The following KHDRBS2 variants were observed in gnomAD, a reference collection of about 807,000 sequenced individuals.
KHDRBS2 encodes the protein KH domain-containing, RNA-binding, signal transduction-associated protein 2.
Under a neutral mutation model 44.3 loss-of-function variants are expected in KHDRBS2, and 26 were observed. The ratio of observed to expected loss-of-function variants is 0.59; its 90% confidence interval spans 0.43 to 0.81. KHDRBS2 has a LOEUF of 0.81. Ranked by LOEUF, KHDRBS2 falls within the 40% of genes least tolerant of loss-of-function variation. The pLI, the probability that KHDRBS2 is intolerant of heterozygous loss-of-function variation, is 0.00. For missense variants in KHDRBS2, 476 were observed against 433.1 expected, an observed-to-expected ratio of 1.10 and a Z score of -0.88; for synonymous variants, 194 against 151.1, an observed-to-expected ratio of 1.28 and a Z score of -2.08.
the KHDRBS2 span, among the ~76,000 whole-genome samples, chr6:61,663,275 T>A: frequency 2.2e-5 from 3 of 133,760 alleles, no homozygotes; most frequent in Admixed American, 7.5e-5. Flanking sequence ...GGGGAGGGAT[T>A]GCATTAGGAG....
At chr6:61,790,254 A>AT (rs1784425090) in intron 6 of KHDRBS2, among the ~76,000 whole-genome samples, 1 of 151,302 alleles carries the variant, frequency 6.6e-6, no homozygotes, top group Admixed American at 6.6e-5. Flanking sequence ...TGCTCTTCTA[A>AT]TTTTTTCTCT....
At chr6:61,993,324 T>C (rs1176506218) in intron 3 of KHDRBS2, among the ~76,000 whole-genome samples, 1 of 152,008 alleles carries the variant, frequency 6.6e-6, no homozygotes, top group African/African-American at 2.4e-5. Context: ...TACCTATATT[T>C]ACATAGGGCT....
intron 2 of KHDRBS2, among the ~76,000 whole-genome samples, chr6:62,123,083 A>T (rs1808076124): frequency 6.6e-6 from 1 of 152,002 alleles, no homozygotes; most frequent in Admixed American, 6.6e-5. Context: ...CCAGTGTGTG[A>T]CGTTCCCTGC....
At chr6:61,989,548 T>G (rs1012958754) in intron 3 of KHDRBS2, among the ~76,000 whole-genome samples, 4 of 152,172 alleles carry the variant, frequency 2.6e-5, no homozygotes, top group African/African-American at 9.6e-5. Flanking sequence ...ATGGGTTGTA[T>G]CTGCTTGGCT....
At position 62,065,817 on chromosome 6, in the gene KHDRBS2, TAAC is replaced by T. The variant is rs896702572; in HGVS notation, c.220-17826_220-17824del. On this transcript the variant is annotated intron_variant, in intron 2 of 8. Coordinates refer to ENST00000281156, the MANE Select transcript of KHDRBS2 (RefSeq NM_152688.4). ...AAGAATGATCCATGTTTTACCAAAA[TAAC>T]AAAGAAACTAGAATATGCTTATAAA... 2.2e-4 allele frequency among the ~76,000 whole-genome samples: 33 copies of T among 151,148 alleles called. 1 individual carries two copies. Among genetic ancestry groups the T allele is most frequent in the East Asian group, 1.6e-3 (8 of 5,068 alleles).
At chr6:62,147,999 A>T (rs1479616902) in intron 2 of KHDRBS2, among the ~76,000 whole-genome samples, 1 of 152,050 alleles carries the variant, frequency 6.6e-6, no homozygotes, top group Non-Finnish European at 1.5e-5. Flanking sequence ...AAATATTCTG[A>T]AGCAAGCAAG....
intron 3 of KHDRBS2, among the ~76,000 whole-genome samples, chr6:62,010,153 C>T (rs774237249): frequency 3.9e-5 from 6 of 152,124 alleles, no homozygotes; most frequent in Non-Finnish European, 8.8e-5. Context: ...ACTACAGGAA[C>T]CTATCTCTTG....
At chr6:61,618,122 A>G in the KHDRBS2 span, among the ~76,000 whole-genome samples, 1 of 152,178 alleles carries the variant, frequency 6.6e-6, no homozygotes, top group Non-Finnish European at 1.5e-5. Context: ...TTTTCTAGCA[A>G]TGATAACACT....
chr6:61,729,584 C>T (rs749646385), intron 7 of KHDRBS2, among the ~76,000 whole-genome samples: 3 of 152,172 alleles, frequency 2.0e-5, no homozygotes, highest in Non-Finnish European at 4.4e-5. Context: ...AGTTGCTCCA[C>T]ATCCTCACTA....
In KHDRBS2 at chr6:61,901,190, G is replaced by T; in HGVS notation, c.611+54C>A. 4.4e-6 allele frequency: 7 copies of T among 1,576,242 alleles called. No homozygotes were observed. In the South Asian group the frequency reaches 8.0e-5, roughly 18 times the overall value. On this transcript the variant is annotated intron_variant, in intron 5 of 8. Transcript: ENST00000281156. ...TAGTGATAATCATGACATAAAGCAGGACAAAAAAGGCCTGCCATCATCCTT... is the reference window on the plus strand; with the variant it reads ...TAGTGATAATCATGACATAAAGCAGTACAAAAAAGGCCTGCCATCATCCTT...
chr6:62,208,185 T>C (rs1450918773), intron 1 of KHDRBS2, among the ~76,000 whole-genome samples: 1 of 152,212 alleles, frequency 6.6e-6, no homozygotes, highest in African/African-American at 2.4e-5. Flanking sequence ...TCCTCCATGT[T>C]CATCCATGTA....
At chr6:62,189,484 G>A (rs1824155285) in intron 1 of KHDRBS2, among the ~76,000 whole-genome samples, 1 of 151,978 alleles carries the variant, frequency 6.6e-6, no homozygotes, top group South Asian at 2.1e-4. Flanking sequence ...TAGGTTTTGA[G>A]GTAATTTATT....
chr6:61,711,235 C>A (rs1349417959), intron 7 of KHDRBS2, among the ~76,000 whole-genome samples: 1 of 151,602 alleles, frequency 6.6e-6, no homozygotes, highest in Non-Finnish European at 1.5e-5. Context: ...CTTTAACTAC[C>A]AGTCAATGTC....
At chr6:61,543,603 A>G in the KHDRBS2 span, among the ~76,000 whole-genome samples, 1 of 152,068 alleles carries the variant, frequency 6.6e-6, no homozygotes, top group Non-Finnish European at 1.5e-5. Flanking sequence ...ACTGCTAGAT[A>G]TATACCCCAA....
intron 1 of KHDRBS2, among the ~76,000 whole-genome samples, chr6:62,276,108 C>T (rs1321978545): frequency 6.6e-6 from 1 of 152,174 alleles, no homozygotes; most frequent in Non-Finnish European, 1.5e-5. Context: ...AATATCTACG[C>T]TCTAGAGAAA....
chr6:61,611,662 C>A, the KHDRBS2 span, among the ~76,000 whole-genome samples: 1 of 152,070 alleles, frequency 6.6e-6, no homozygotes, highest in Non-Finnish European at 1.5e-5. Context: ...AAAATTTCAG[C>A]TTTTATTTTA....
At chr6:61,670,096 T>G in the KHDRBS2 span, among the ~76,000 whole-genome samples, 56 of 151,492 alleles carry the variant, frequency 3.7e-4, no homozygotes, top group Non-Finnish European at 3.8e-4. Context: ...GGATTATACA[T>G]TTCTTATTTT....
intron 2 of KHDRBS2, among the ~76,000 whole-genome samples, chr6:62,146,395 T>C (rs1813940883): frequency 6.6e-6 from 1 of 151,794 alleles, no homozygotes; most frequent in Admixed American, 6.6e-5. Context: ...CACTAGTTGT[T>C]GTCTCTTCTC....
chr6:61,936,100 T>C (rs1292197272), intron 4 of KHDRBS2, among the ~76,000 whole-genome samples: 1 of 152,120 alleles, frequency 6.6e-6, no homozygotes, highest in Non-Finnish European at 1.5e-5. Context: ...CAATGTGCCC[T>C]TTCAGTTTTT....
Sources: gnomAD v4.1 joint callset for allele counts (sites outside exome capture counted in the v4.1 genomes callset) on GRCh38, gnomAD v4.1.1 for gene constraint, MANE v1.5 for transcripts, NCBI Gene and HGNC (gene_info 2026-07-23, HGNC 2026-07-21) for gene names.